Variants in CTTNBP2 observed in about 807,000 individuals in gnomAD.
CTTNBP2 encodes cortactin binding protein 2.
In CTTNBP2, 108 loss-of-function variants were observed where a neutral mutation model predicts 156.9. The observed-to-expected ratio is 0.69, with a 90% CI of 0.59 to 0.81. The LOEUF (loss-of-function observed/expected upper bound fraction) is 0.81, where lower values mean the gene tolerates loss of function less well. Among genes scored for constraint, CTTNBP2 ranks in the 30% least tolerant of loss-of-function variants. The probability of loss-of-function intolerance (pLI) is 0.00; values close to 1 mark genes in which losing one functional copy is unlikely to be tolerated. For missense variants in CTTNBP2, 1,924 were observed against 2,035.4 expected (o/e 0.95, Z 1.05); for synonymous variants, 767 against 751.8 (o/e 1.02, Z -0.33).
intron 2 of CTTNBP2, among the ~76,000 whole-genome samples, chr7:117,819,120 T>G (rs1800791744): frequency 6.6e-6 from 1 of 152,106 alleles, no homozygotes; most frequent in African/African-American, 2.4e-5. Flanking sequence ...ACATAAAAAT[T>G]TATCTATCCA....
At chr7:117,871,912 T>C (rs1804634081) in intron 1 of CTTNBP2, 2 of 979,696 alleles carry the variant, frequency 2.0e-6, no homozygotes. Flanking sequence ...CTTCCCACCT[T>C]TTGGGGATGA....
At chr7:117,781,745 A>G (rs574690424) in intron 6 of CTTNBP2, among the ~76,000 whole-genome samples, 1 of 152,278 alleles carries the variant, frequency 6.6e-6, no homozygotes, top group African/African-American at 2.4e-5. Flanking sequence ...TAAAAGAAAG[A>G]AAGAAAAAAA....
chr7:117,791,292 T>C lies in CTTNBP2; in HGVS notation c.1904A>G (p.Gln635Arg), dbSNP rs1798991082. ...GCAVSALATS[Q>R]VGAWPAATPG... ...GGTTGCAGCAGGCCAGGCACCCACC[T>C]GAGACGTGGCCAGGGCTGAAACGGC... Residue 635 changes from glutamine (Q) to arginine (R), a missense_variant, in exon 4 of 23, where the codon CAG becomes CGG. Transcript: ENST00000160373. 6.2e-7 allele frequency: 1 copy of C among 1,614,022 alleles called. No individual in the cohort carries two copies. The highest frequency in any genetic ancestry group is 1.3e-5 in the African/African-American group (1 of 74,912).
At chr7:117,854,651 T>C (rs1232461958) in intron 2 of CTTNBP2, among the ~76,000 whole-genome samples, 1 of 152,214 alleles carries the variant, frequency 6.6e-6, no homozygotes, top group South Asian at 2.1e-4. Context: ...GTTGTTAAAA[T>C]GGGCATTTTC....
intron 9 of CTTNBP2, among the ~76,000 whole-genome samples, chr7:117,762,963 C>T (rs1293672824): frequency 6.6e-6 from 1 of 152,166 alleles, no homozygotes. Flanking sequence ...CTTAGATATC[C>T]ACATAGCTGC....
chr7:117,820,834 C>T (rs112291332), intron 2 of CTTNBP2, among the ~76,000 whole-genome samples: 1 of 152,236 alleles, frequency 6.6e-6, no homozygotes, highest in African/African-American at 2.4e-5. Flanking sequence ...TGTTTTTCCA[C>T]ATAAATTTTA....
intron 2 of CTTNBP2, among the ~76,000 whole-genome samples, chr7:117,811,934 TAAAA>T (rs376203872): frequency 1.8e-4 from 22 of 122,804 alleles, no homozygotes; most frequent in Non-Finnish European, 3.3e-4. Flanking sequence ...AAATTTTAAT[TAAAA>T]AAATTAAAAT....
intron 2 of CTTNBP2, among the ~76,000 whole-genome samples, chr7:117,854,878 G>A (rs1262948803): frequency 1.3e-5 from 2 of 152,026 alleles, no homozygotes; most frequent in African/African-American, 2.4e-5. Context: ...TCCGCCTCCC[G>A]GGTTCAGGCG....
At chr7:117,843,122 A>G (rs1290392098) in intron 2 of CTTNBP2, among the ~76,000 whole-genome samples, 1 of 152,228 alleles carries the variant, frequency 6.6e-6, no homozygotes. Flanking sequence ...ACAATACAGT[A>G]TAACAACTTT....
chr7:117,735,641 C>A (rs1314411705), intron 14 of CTTNBP2, among the ~76,000 whole-genome samples: 1 of 152,126 alleles, frequency 6.6e-6, no homozygotes, highest in Non-Finnish European at 1.5e-5. Context: ...TGTTCTATAA[C>A]AAGTCTCAAA....
chr7:117,840,606 C>T (rs563820841), intron 2 of CTTNBP2, among the ~76,000 whole-genome samples: 5 of 152,188 alleles, frequency 3.3e-5, no homozygotes, highest in Admixed American at 1.3e-4. Context: ...ACACAAGTGC[C>T]TTATTGTAAA....
intron 3 of CTTNBP2, among the ~76,000 whole-genome samples, chr7:117,803,201 C>T (rs896556047): frequency 3.3e-5 from 5 of 152,324 alleles, no homozygotes; most frequent in Middle Eastern, 3.4e-3. Flanking sequence ...TACGTATACA[C>T]ATATACGCCA....
rs575546215 is a variant in CTTNBP2 at position 117,867,285 on chromosome 7, G to C, written c.82-5969C>G. Among the ~76,000 whole-genome samples the C allele has an allele frequency of 5.5e-4, 84 of 152,050 alleles. 2 individuals are homozygous for C. The South Asian group carries it at 0.017, about 30-fold the overall frequency. On this transcript the variant is annotated intron_variant, in intron 1 of 22. Transcript: ENST00000160373. ...CCTCCATTCTCCTCTGATTCATCTG[G>C]GTACTATCTTTCTTCAGCACATAGC...
intron 12 of CTTNBP2, among the ~76,000 whole-genome samples, chr7:117,753,462 T>A (rs11974874): frequency 2.6e-5 from 4 of 152,066 alleles, no homozygotes; most frequent in Admixed American, 1.3e-4. Context: ...TACGTATGTT[T>A]GCTGCAAGAC....
At chr7:117,718,960 G>C (rs777306173) in intron 21 of CTTNBP2, among the ~76,000 whole-genome samples, 8 of 152,166 alleles carry the variant, frequency 5.3e-5, no homozygotes, top group Non-Finnish European at 1.0e-4. Context: ...ATTTTGGGAG[G>C]CTGAGGCGGG....
intron 10 of CTTNBP2, among the ~76,000 whole-genome samples, chr7:117,758,265 C>T (rs1363611583): frequency 6.6e-6 from 1 of 152,132 alleles, no homozygotes; most frequent in African/African-American, 2.4e-5. Context: ...TAGGGTTAAG[C>T]TCTCAAGAAC....
chr7:117,789,184 C>T (rs1416237054), intron 4 of CTTNBP2, among the ~76,000 whole-genome samples: 5 of 152,074 alleles, frequency 3.3e-5, no homozygotes, highest in Non-Finnish European at 5.9e-5. Context: ...ATCCTGTTGA[C>T]AAAATGTTCC....
At chr7:117,759,642 A>G (rs1406314951) in intron 10 of CTTNBP2, among the ~76,000 whole-genome samples, 1 of 152,178 alleles carries the variant, frequency 6.6e-6, no homozygotes, top group Non-Finnish European at 1.5e-5. Context: ...GAAAGTACAC[A>G]AGCTTTTCTA....
At chr7:117,858,998 C>G (rs749898062) in intron 2 of CTTNBP2, among the ~76,000 whole-genome samples, 1 of 152,064 alleles carries the variant, frequency 6.6e-6, no homozygotes, top group South Asian at 2.1e-4. Flanking sequence ...CAAATAGACA[C>G]GTGTTTTATC....
Sources: gnomAD v4.1 joint callset for allele counts (sites outside exome capture counted in the v4.1 genomes callset) on GRCh38, gnomAD v4.1.1 for gene constraint, MANE v1.5 for transcripts, NCBI Gene and HGNC (gene_info 2026-07-23, HGNC 2026-07-21) for gene names.